Variants in ACAP3 observed in about 807,000 individuals in gnomAD.
ACAP3 encodes ArfGAP with coiled-coil, ankyrin repeat and PH domains 3.
ACAP3 carries 56 observed loss-of-function variants against 104.1 expected under a neutral mutation model. The observed-to-expected ratio is 0.54, with a 90% CI of 0.43 to 0.67. The LOEUF (loss-of-function observed/expected upper bound fraction) is 0.67, where lower values mean the gene tolerates loss of function less well. ACAP3 is among the 30% of genes least tolerant of loss of function. ACAP3 has a pLI of 0.00. For synonymous variants in ACAP3, 628 were observed against 496.2 expected (o/e 1.27, Z -3.53); for missense variants, 1,208 against 1,174.9 (o/e 1.03, Z -0.41).
chr1:1,301,258 CTTTTTTT>C (rs869238177), intron 5 of ACAP3, among the ~76,000 whole-genome samples: 7 of 105,418 alleles, frequency 6.6e-5, no homozygotes, highest in South Asian at 3.3e-4. Context: ...TTGGGGGTGT[CTTTTTTT>C]TTTTTTTTTT....
rs1028321899 is a variant in ACAP3 at position 1,294,945 on chromosome 1, G to C, written c.1814-129C>G. ...TAGGGACAGGACCAGCTCCCACCCA[G>C]GGCCGGGGGGAGCCAGCTGCAGGCT... On this transcript the variant is annotated intron_variant, in intron 19 of 23. Transcript: ENST00000354700. 2.9e-5 allele frequency: 25 copies of C among 849,550 alleles called. No homozygotes were observed. The South Asian group carries it at 3.9e-4, about 13-fold the overall frequency. 52.6% of individuals were successfully genotyped at this position (849,550 alleles called of 1,614,324 possible). A position where few individuals can be genotyped will look rare whatever the true frequency, so the allele number is the denominator to read the frequency against.
At position 1,295,574 on chromosome 1, in the gene ACAP3, T is replaced by C. The variant is rs370821643; in HGVS notation, c.1706-20A>G. On this transcript the variant is annotated intron_variant, in intron 18 of 23. Coordinates refer to ENST00000354700, the MANE Select transcript of ACAP3 (RefSeq NM_030649.3). ...TGCCCACTGCAGGGGCAGTGCGTGT[T>C]CAGAGTGTGGAACAGGCCCGGGGTG... 331 of 1,610,108 alleles carry C rather than the reference T, an allele frequency of 2.1e-4. 1 individual carries two copies. The highest frequency in any genetic ancestry group is 2.5e-4 in the Non-Finnish European group (298 of 1,178,376).
intron 13 of ACAP3, 30 bp from the exon 14 acceptor site, chr1:1,297,963 T>C (rs768418144): frequency 1.2e-6 from 2 of 1,610,768 alleles, no homozygotes; most frequent in East Asian, 2.2e-5. Context: ...GGGCGTCAGC[T>C]CCGGTGGGCA....
At chr1:1,301,426 A>ATTT (rs70949569) in intron 5 of ACAP3, 53 of 109,972 alleles carry the variant, frequency 4.8e-4, no homozygotes, top group Non-Finnish European at 5.3e-4. Context: ...TGCCCATCTA[A>ATTT]TTTTTTTTTT....
At chr1:1,300,335 G>T in intron 6 of ACAP3, 133 bp from the exon 7 acceptor site, 1 of 1,278,468 alleles carries the variant, frequency 7.8e-7, no homozygotes, top group Non-Finnish European at 1.1e-6. Context: ...CCAGCTCTGG[G>T]CCAGCCTCAT....
Position 1,303,955 on chromosome 1 carries a change from G to A in ACAP3, c.105+131C>T, listed in dbSNP as rs546202336. ...ACACATGCTAAGACACAGGGACCAGGACCTGGAGCACCACACGCATGCTCC... is the reference window on the plus strand; with the variant it reads ...ACACATGCTAAGACACAGGGACCAGAACCTGGAGCACCACACGCATGCTCC... On this transcript the variant is annotated intron_variant, in intron 2 of 23. Coordinates refer to ENST00000354700, the MANE Select transcript of ACAP3 (RefSeq NM_030649.3). This position sits in a 1 kb window ranked among gnomAD's most constrained non-coding sequence, Gnocchi z 4.0. 5.0e-4 allele frequency: 549 copies of A among 1,087,396 alleles called. 2 individuals carry two copies. Among genetic ancestry groups the A allele is most frequent in the African/African-American group, 2.6e-3 (166 of 64,310 alleles). The allele number at this position is 1,087,396 out of a possible 1,614,324, so 67.4% of individuals were successfully genotyped here. A position where few individuals can be genotyped will look rare whatever the true frequency, so the allele number is the denominator to read the frequency against.
At position 1,307,675 on chromosome 1, in the gene ACAP3, G is replaced by T. The variant is rs569380402; in HGVS notation, c.47+94C>A. The T allele has an allele frequency of 7.8e-4, 804 of 1,028,814 alleles. 4 individuals carry two copies. In the African/African-American group the frequency reaches 0.012, roughly 16 times the overall value. 63.7% of individuals were successfully genotyped at this position (1,028,814 alleles called of 1,614,324 possible). On this transcript the variant is annotated intron_variant, in intron 1 of 23. Coordinates refer to ENST00000354700, the MANE Select transcript of ACAP3 (RefSeq NM_030649.3). ...AGCCCCTCCCCGGCGGCCGCGGCCC[G>T]GCCCGGCGCTGACCTCCCCACCCCG...
rs930824923 is a variant in ACAP3 at position 1,296,211 on chromosome 1, C to T, written c.1407G>A (p.Lys469=). ...TGGCCTCCAGGAGCCCCACACGCAC[C>T]TTTAGCAGCTCAGGCTCCCACGAGT... ...TLDSWEPELL[K]LMCELGNSAV... is the part of the protein sequence containing the mutation. The change falls in exon 16 of 24, where the codon AAG becomes AAA. Residue 469 remains lysine (K), a splice_region_variant and synonymous_variant. Transcript: ENST00000354700. The T allele has an allele frequency of 1.3e-6, 2 of 1,576,606 alleles. No individual in the cohort carries two copies. Among genetic ancestry groups the T allele is most frequent in the Non-Finnish European group, 8.6e-7 (1 of 1,160,572 alleles).
chr1:1,294,024 A>AG, intron 22 of ACAP3, 66 bp downstream of exon 22: 1 of 1,474,564 alleles, frequency 6.8e-7, no homozygotes, highest in Non-Finnish European at 9.0e-7. Flanking sequence ...CATGGCGGAC[A>AG]GGGCGTAGCC....
Position 1,294,071 on chromosome 1 carries a change from C to A in ACAP3, c.2249+19G>T, listed in dbSNP as rs1411208317. 6.5e-7 allele frequency: 1 copy of A among 1,549,748 alleles called. No homozygotes were observed. Among genetic ancestry groups the A allele is most frequent in the Non-Finnish European group, 8.7e-7 (1 of 1,146,186 alleles). Reference sequence around the variant, plus strand: ...GGCGTGGTCGGGGCACAGGGCGGGGCGTGGGTTGCGCGTCTCACCCGGTGC... The same window carrying A: ...GGCGTGGTCGGGGCACAGGGCGGGGAGTGGGTTGCGCGTCTCACCCGGTGC... On this transcript the variant is annotated intron_variant, in intron 22 of 23. Transcript: ENST00000354700.
intron 10 of ACAP3, 191 bp downstream of exon 10, chr1:1,299,154 C>T (rs1641329896): frequency 4.1e-6 from 3 of 725,788 alleles, no homozygotes; most frequent in Non-Finnish European, 6.8e-6. Context: ...GAAGGGACAG[C>T]TGCCGCCAAC....
In ACAP3 at chr1:1,298,975, GC is replaced by G. The variant is rs1216124267; in HGVS notation, c.751-297del. Reference sequence around the variant, plus strand: ...AGGCTGCGATCAGGAAGGAAGCTGCGCCCCCACCCTCCGCATCCTGAGTGCC... The same window carrying G: ...AGGCTGCGATCAGGAAGGAAGCTGCGCCCCACCCTCCGCATCCTGAGTGCC... On this transcript the variant is annotated intron_variant, in intron 10 of 23. Coordinates refer to ENST00000354700, the MANE Select transcript of ACAP3 (RefSeq NM_030649.3). The G allele has an allele frequency of 5.4e-6, 3 of 552,908 alleles. No individual in the cohort carries two copies. In the East Asian group the frequency reaches 9.7e-5, roughly 18 times the overall value. The allele number at this position is 552,908 out of a possible 1,614,324, so 34.3% of individuals were successfully genotyped here.
At chr1:1,301,070 TTTTG>T (rs1051627909) in intron 5 of ACAP3, among the ~76,000 whole-genome samples, 9 of 151,922 alleles carry the variant, frequency 5.9e-5, no homozygotes, top group Non-Finnish European at 1.0e-4. Flanking sequence ...CCTGGCCTGG[TTTTG>T]TTTGTTTGAG....
chr1:1,297,955 G>A lies in ACAP3; in HGVS notation c.1017-22C>T, dbSNP rs374846403. On this transcript the variant is annotated intron_variant, in intron 13 of 23. Coordinates refer to ENST00000354700, the MANE Select transcript of ACAP3 (RefSeq NM_030649.3). ...GCTCCTGCAGGCAGTGGAGGGGCGGGCGTCAGCTCCGGTGGGCAGGTACGC... is the reference window on the plus strand; with the variant it reads ...GCTCCTGCAGGCAGTGGAGGGGCGGACGTCAGCTCCGGTGGGCAGGTACGC... 1.1e-5 allele frequency: 18 copies of A among 1,611,054 alleles called. No homozygotes were observed. The African/African-American group carries it at 2.3e-4, about 20-fold the overall frequency.
Position 1,293,949 on chromosome 1 carries a change from G to T in ACAP3, c.2250-16C>A. 6.4e-7 allele frequency: 1 copy of T among 1,563,572 alleles called. No homozygotes were observed. Among genetic ancestry groups the T allele is most frequent in the Non-Finnish European group, 8.6e-7 (1 of 1,158,740 alleles). ...GCAAACCTGGCTGAGGGGCGAGGTC[G>T]GAGGGGCGTGTCGGGGCGGGGCGGG... On this transcript the variant is annotated splice_polypyrimidine_tract_variant and intron_variant, in intron 22 of 23. Transcript: ENST00000354700.
Position 1,300,143 on chromosome 1 carries a change from C to T in ACAP3, c.567+15G>A. On this transcript the variant is annotated intron_variant, in intron 7 of 23. Coordinates refer to ENST00000354700, the MANE Select transcript of ACAP3 (RefSeq NM_030649.3). ...ACATGCAGCCTGTGCTCAGGGGCAGCCCCCACGCACTCACAGAGTCCAGGA... is the reference window on the plus strand; with the variant it reads ...ACATGCAGCCTGTGCTCAGGGGCAGTCCCCACGCACTCACAGAGTCCAGGA... The T allele has an allele frequency of 6.2e-7, 1 of 1,609,600 alleles. No individual in the cohort carries two copies. Among genetic ancestry groups the T allele is most frequent in the Non-Finnish European group, 8.5e-7 (1 of 1,177,952 alleles).
intron 10 of ACAP3, chr1:1,299,010 G>A (rs1641323840): frequency 1.8e-6 from 1 of 555,610 alleles, no homozygotes; most frequent in Non-Finnish European, 3.2e-6. Flanking sequence ...CCCCATTCAT[G>A]TGGCCAGCTG....
chr1:1,299,330 C>T lies in ACAP3; in HGVS notation c.750+15G>A. The T allele has an allele frequency of 3.1e-6, 5 of 1,594,484 alleles. No individual in the cohort carries two copies. The highest frequency in any genetic ancestry group is 4.3e-6 in the Non-Finnish European group (5 of 1,170,862). On this transcript the variant is annotated intron_variant, in intron 10 of 23. Coordinates refer to ENST00000354700, the MANE Select transcript of ACAP3 (RefSeq NM_030649.3). ...CCCCCGACCCACAGCCCGCCCAGGG[C>T]CCGTGCTCACTTACCTGCAGCAGCG...
At chr1:1,301,734 G>A (rs1259765907) in intron 5 of ACAP3, 1 of 348,394 alleles carries the variant, frequency 2.9e-6, no homozygotes, top group South Asian at 9.9e-5. Context: ...CCATGCCCCA[G>A]ACTCCAGACC....
Sources: gnomAD v4.1 joint callset for allele counts (sites outside exome capture counted in the v4.1 genomes callset) on GRCh38, gnomAD v4.1.1 for gene constraint, Gnocchi (gnomAD v3.1) non-coding constraint, MANE v1.5 for transcripts, NCBI Gene and HGNC (gene_info 2026-07-23, HGNC 2026-07-21) for gene names.